The following LARP7 variants were observed in gnomAD, a reference collection of about 807,000 sequenced individuals.
LARP7 encodes the protein la-related protein 7.
In LARP7, 52 loss-of-function variants were observed where a neutral mutation model predicts 69.3. That is an observed-to-expected ratio of 0.75 (90% CI 0.60 to 0.95). LARP7 has a LOEUF of 0.95. Among genes scored for constraint, LARP7 ranks in the 40% least tolerant of loss-of-function variants. The pLI is 0.00. For synonymous variants in LARP7, 254 were observed against 215.9 expected (o/e 1.18, Z -1.55); for missense variants, 733 against 673.0 (o/e 1.09, Z -0.99).
At chr4:112,656,015 A>G (rs2048939947) in intron 12 of LARP7, among the ~76,000 whole-genome samples, 1 of 152,348 alleles carries the variant, frequency 6.6e-6, no homozygotes, top group East Asian at 1.9e-4. Context: ...AAAAGGTTAC[A>G]TAAATACCTT....
rs769897611 is a variant in LARP7 at position 112,649,551 on chromosome 4, T to C, written c.1159T>C (p.Leu387=). 3.1e-6 allele frequency: 5 copies of C among 1,600,290 alleles called. No homozygotes were observed. The highest frequency in any genetic ancestry group is 4.3e-6 in the Non-Finnish European group (5 of 1,174,342). Residue 387 remains leucine, a synonymous_variant, in exon 9 of 13, where the codon TTG becomes CTG. Coordinates refer to ENST00000344442, the MANE Select transcript of LARP7 (RefSeq NM_016648.4). Reference sequence around the variant, plus strand: ...TCCTTGTAGGAGCGAATGGATGGATTTGAAAAAAGAGTATTTAGCGCTACA... The same window carrying C: ...TCCTTGTAGGAGCGAATGGATGGATCTGAAAAAAGAGTATTTAGCGCTACA... ...RVLSKSEWMD[L]KKEYLALQKA... is the part of the protein sequence containing the mutation.
At chr4:112,650,949 G>A (rs977571097) in intron 10 of LARP7, among the ~76,000 whole-genome samples, 47 of 151,876 alleles carry the variant, frequency 3.1e-4, no homozygotes, top group Middle Eastern at 6.8e-3. Context: ...AATTTTTCAC[G>A]CATGTGCCAA....
At chr4:112,648,048 AGTGCCTC>A (rs772626627) in intron 8 of LARP7, 2 of 650,356 alleles carry the variant, frequency 3.1e-6, no homozygotes, top group Admixed American at 1.8e-5. Context: ...TGTCACAGCA[AGTGCCTC>A]CATGTTAAAG....
intron 8 of LARP7, 82 bp from the exon 9 acceptor site, chr4:112,649,453 C>T: frequency 8.6e-7 from 1 of 1,166,420 alleles, no homozygotes; most frequent in Non-Finnish European, 1.2e-6. Context: ...TGCTCCAAGT[C>T]ATTGTGAATG....
chr4:112,646,963 C>T lies in LARP7; in HGVS notation c.552+8C>T. The stretch of plus-strand genomic sequence containing the variant: ...GCAGCAAAAGCAATTGAGGTAAGTC[C>T]AGATCCTAAAAAAAAAAAAAGAAAG... On this transcript the variant is annotated splice_region_variant and intron_variant, in intron 5 of 12. Coordinates refer to ENST00000344442, the MANE Select transcript of LARP7 (RefSeq NM_016648.4). 1.9e-6 allele frequency: 3 copies of T among 1,577,826 alleles called. No homozygotes were observed. Among genetic ancestry groups the T allele is most frequent in the South Asian group, 1.2e-5 (1 of 84,388 alleles).
intron 7 of LARP7, 48 bp downstream of exon 7, chr4:112,647,597 ATTAGTTT>A: frequency 2.0e-6 from 3 of 1,467,326 alleles, no homozygotes; most frequent in Non-Finnish European, 2.7e-6. Flanking sequence ...ATTTTAATTA[ATTAGTTT>A]TTAATTAATT....
intron 2 of LARP7, chr4:112,645,488 C>T: frequency 2.2e-6 from 1 of 456,068 alleles, no homozygotes; most frequent in South Asian, 1.5e-5. Flanking sequence ...GAAGGCATTT[C>T]ACCTAGCTCA....
intron 1 of LARP7, among the ~76,000 whole-genome samples, chr4:112,639,472 C>T (rs1277689353): frequency 1.3e-5 from 2 of 151,962 alleles, no homozygotes; most frequent in Non-Finnish European, 2.9e-5. Flanking sequence ...CCTCGTGATC[C>T]GCCCGCCTTG....
chr4:112,640,067 T>C (rs1224625477), intron 1 of LARP7, among the ~76,000 whole-genome samples: 1 of 152,080 alleles, frequency 6.6e-6, no homozygotes, highest in South Asian at 2.1e-4. Flanking sequence ...GCCTCCCGAG[T>C]AGCTGGCATT....
intron 2 of LARP7, chr4:112,645,615 C>T (rs571301824): frequency 3.1e-5 from 14 of 455,678 alleles, no homozygotes; most frequent in East Asian, 1.4e-4. Context: ...CCCCCTCAGC[C>T]CCACCCAAGC....
intron 12 of LARP7, among the ~76,000 whole-genome samples, chr4:112,656,885 A>G (rs1256365079): frequency 6.6e-6 from 1 of 152,178 alleles, no homozygotes; most frequent in Non-Finnish European, 1.5e-5. Context: ...CATTTACTCC[A>G]AAGTTTAATA....
In LARP7 at chr4:112,644,757, C is replaced by T. The variant is rs1457661638; in HGVS notation, c.88C>T (p.Arg30Ter). ...AGAAGTTGAAAAAAAGAAACGGTCA[C>T]GAGTTAAACAGGTGCTTGCAGATAT... ...KKEVEKKKRS[R>*]VKQVLADIAK... The change falls in exon 2 of 13, where the codon CGA becomes TGA. Residue 30 changes from arginine (R) to a stop codon, truncating the protein, a stop_gained. Coordinates refer to ENST00000344442, the MANE Select transcript of LARP7 (RefSeq NM_016648.4). LOFTEE classifies it high-confidence loss of function. The T allele has an allele frequency of 1.9e-6, 3 of 1,609,450 alleles. No homozygotes were observed. The highest frequency in any genetic ancestry group is 2.5e-6 in the Non-Finnish European group (3 of 1,177,014).
rs536933612 is a variant in LARP7, at chr4:112,653,252, C to T, written c.1576+16C>T. 25 of 1,553,854 alleles carry T rather than the reference C, an allele frequency of 1.6e-5. No homozygotes were observed. Among genetic ancestry groups the T allele is most frequent in the African/African-American group, 9.8e-5 (7 of 71,426 alleles). On this transcript the variant is annotated intron_variant, in intron 11 of 12. Transcript: ENST00000344442. ...ATCCTTTCTGGTAAAACTTCATAGACGTTTCCTTTTTTTTTTGTTATCATC... is the reference window on the plus strand; with the variant it reads ...ATCCTTTCTGGTAAAACTTCATAGATGTTTCCTTTTTTTTTTGTTATCATC...
intron 10 of LARP7, 66 bp downstream of exon 10, chr4:112,650,648 G>A (rs1315224014): frequency 6.7e-7 from 1 of 1,484,290 alleles, no homozygotes; most frequent in African/African-American, 1.4e-5. Context: ...GTGTGAAAAT[G>A]TTTTGAATAT....
chr4:112,654,478 C>G (rs949451651), intron 12 of LARP7: 3 of 200,580 alleles, frequency 1.5e-5, no homozygotes, highest in Admixed American at 1.1e-4. Context: ...GAAAGATTAT[C>G]TTCATGGTAA....
intron 7 of LARP7, 68 bp downstream of exon 7, chr4:112,647,617 G>C (rs748533852): frequency 1.7e-6 from 2 of 1,206,620 alleles, no homozygotes; most frequent in Admixed American, 2.8e-5. Context: ...AATTAATTAG[G>C]TTTTAATTGG....
At chr4:112,648,533 C>G (rs1338196516) in intron 8 of LARP7, 1 of 531,616 alleles carries the variant, frequency 1.9e-6, no homozygotes. Context: ...ACAGAAAGCA[C>G]TTCCATGTTA....
chr4:112,650,311 CAT>C (rs1560944928), intron 9 of LARP7, 148 bp from the exon 10 acceptor site: 1 of 684,288 alleles, frequency 1.5e-6, no homozygotes, highest in South Asian at 2.3e-5. Context: ...AGCAGTATGA[CAT>C]ATAACCTTTA....
At chr4:112,640,730 C>T (rs1560916724) in intron 1 of LARP7, among the ~76,000 whole-genome samples, 1 of 152,148 alleles carries the variant, frequency 6.6e-6, no homozygotes, top group South Asian at 2.1e-4. Context: ...AGTTATAATT[C>T]CAGGTAGTGA....
Sources: gnomAD v4.1 joint callset for allele counts (sites outside exome capture counted in the v4.1 genomes callset) on GRCh38, gnomAD v4.1.1 for gene constraint, MANE v1.5 for transcripts, NCBI Gene and HGNC (gene_info 2026-07-23, HGNC 2026-07-21) for gene names.